HIPK2: variants seen among roughly 807,000 people sequenced by gnomAD.
The protein encoded by HIPK2 is homeodomain interacting protein kinase 2.
In HIPK2, 27 loss-of-function variants were observed where a neutral mutation model predicts 113.7. That is an observed-to-expected ratio of 0.24 (90% CI 0.17 to 0.33). The LOEUF (loss-of-function observed/expected upper bound fraction) is 0.33. Among genes scored for constraint, HIPK2 ranks in the 10% least tolerant of loss-of-function variants. HIPK2 has a pLI of 1.00. For synonymous variants in HIPK2, 631 were observed against 642.2 expected (o/e 0.98, Z 0.26); for missense variants, 1,257 against 1,588.0 (o/e 0.79, Z 3.54).
intron 2 of HIPK2, among the ~76,000 whole-genome samples, chr7:139,655,165 A>G (rs561161380): frequency 6.6e-6 from 1 of 152,360 alleles, no homozygotes; most frequent in Non-Finnish European, 1.5e-5. Context: ...CTGAATTCTC[A>G]GTGCCCATAA....
chr7:139,578,727 G>A (rs1365722287), intron 13 of HIPK2, among the ~76,000 whole-genome samples: 1 of 152,186 alleles, frequency 6.6e-6, no homozygotes, highest in Admixed American at 6.5e-5. Flanking sequence ...TTGGAGTGCA[G>A]TGGTGCAATC....
intron 2 of HIPK2, among the ~76,000 whole-genome samples, chr7:139,713,297 G>A (rs952191458): frequency 6.6e-6 from 1 of 152,168 alleles, no homozygotes; most frequent in African/African-American, 2.4e-5. Flanking sequence ...CCAGGTGAAG[G>A]AGTCAGCCCT....
chr7:139,706,773 A>G (rs867272896), intron 2 of HIPK2, among the ~76,000 whole-genome samples: 1 of 152,364 alleles, frequency 6.6e-6, no homozygotes. Flanking sequence ...TTGTCTATAA[A>G]GGCATTTTCC....
Position 139,613,118 on chromosome 7 carries a change from G to C in HIPK2, c.2112+84C>G. 2 of 1,511,746 alleles carry C rather than the reference G, an allele frequency of 1.3e-6. No individual in the cohort carries two copies. Among genetic ancestry groups the C allele is most frequent in the Admixed American group, 1.9e-5 (1 of 53,636 alleles). The allele number at this position is 1,511,746 out of a possible 1,614,324, so 93.6% of individuals were successfully genotyped here. On this transcript the variant is annotated intron_variant, in intron 9 of 14. Coordinates refer to ENST00000406875, the MANE Select transcript of HIPK2 (RefSeq NM_022740.5). This position sits in a 1 kb window ranked among gnomAD's most constrained non-coding sequence, Gnocchi z 4.2. Reference sequence around the variant, plus strand: ...AGCACCTAACTCATTACTAGGGAGAGAGGGAGTGGAGATATATATCTTTTG... The same window carrying C: ...AGCACCTAACTCATTACTAGGGAGACAGGGAGTGGAGATATATATCTTTTG...
Position 139,763,036 on chromosome 7 carries a change from C to A in HIPK2, c.19+14569G>T, listed in dbSNP as rs926870802. Among the ~76,000 whole-genome samples, 41 of 152,122 alleles carry A rather than the reference C, an allele frequency of 2.7e-4. 1 individual carries two copies. Among genetic ancestry groups the A allele is most frequent in the Non-Finnish European group, 2.9e-5 (2 of 68,020 alleles). On this transcript the variant is annotated intron_variant, in intron 1 of 14. Transcript: ENST00000406875. Reference sequence around the variant, plus strand: ...AGCATGAATTAACCAGGCTGCCAGGCAGGAGAACATTCCAGGAAGGGAAGA... The same window carrying A: ...AGCATGAATTAACCAGGCTGCCAGGAAGGAGAACATTCCAGGAAGGGAAGA...
At chr7:139,657,686 A>C (rs1180617419) in intron 2 of HIPK2, among the ~76,000 whole-genome samples, 2 of 152,096 alleles carry the variant, frequency 1.3e-5, no homozygotes, top group African/African-American at 2.4e-5. Flanking sequence ...CCTTCCATTA[A>C]ACTGTAAGAG....
intron 11 of HIPK2, among the ~76,000 whole-genome samples, chr7:139,598,884 G>A (rs1257646062): frequency 3.9e-5 from 6 of 152,180 alleles, no homozygotes; most frequent in Non-Finnish European, 8.8e-5. Context: ...TAATGACATG[G>A]GTGAGCTGTC....
At position 139,591,261 on chromosome 7, in the gene HIPK2, G is replaced by C. The variant is rs571582562; in HGVS notation, c.2717+5456C>G. Among the ~76,000 whole-genome samples the C allele has an allele frequency of 1.1e-4, 16 of 152,296 alleles. No homozygotes were observed. In the East Asian group the frequency reaches 2.5e-3, roughly 24 times the overall value. On this transcript the variant is annotated intron_variant, in intron 12 of 14. Coordinates refer to ENST00000406875, the MANE Select transcript of HIPK2 (RefSeq NM_022740.5). The stretch of plus-strand genomic sequence containing the variant: ...ATCATTTTTACATGACTACTTTCTA[G>C]AGAAATCAGAAACAGGGTCGCAGAA...
At chr7:139,719,265 C>T (rs1487876792) in intron 1 of HIPK2, among the ~76,000 whole-genome samples, 1 of 152,086 alleles carries the variant, frequency 6.6e-6, no homozygotes, top group African/African-American at 2.4e-5. Flanking sequence ...CGCCACCACG[C>T]CCAGCTAATT....
intron 7 of HIPK2, among the ~76,000 whole-genome samples, chr7:139,616,405 G>A (rs73481750): frequency 0.015 from 2,210 of 152,218 alleles, 44 homozygotes; most frequent in African/African-American, 0.049. Flanking sequence ...CATGGTATGC[G>A]CCTGGTCTAG....
At chr7:139,696,061 G>A (rs1387347431) in intron 2 of HIPK2, among the ~76,000 whole-genome samples, 2 of 152,182 alleles carry the variant, frequency 1.3e-5, no homozygotes, top group Admixed American at 6.5e-5. Flanking sequence ...GAAAAAGTGT[G>A]CTGCAGATGA....
At chr7:139,694,289 C>T (rs183221206) in intron 2 of HIPK2, among the ~76,000 whole-genome samples, 9 of 152,334 alleles carry the variant, frequency 5.9e-5, no homozygotes, top group African/African-American at 1.9e-4. Context: ...TGTGTCCTTA[C>T]ACGCTCCACA....
intron 11 of HIPK2, among the ~76,000 whole-genome samples, chr7:139,597,625 TAA>T (rs1799269726): frequency 6.6e-6 from 1 of 152,236 alleles, no homozygotes; most frequent in African/African-American, 2.4e-5. Flanking sequence ...CTAAAAACCT[TAA>T]AAATGATTTT....
In HIPK2 at chr7:139,562,482, C is replaced by T. The variant is rs779801339; in HGVS notation, c.*10445G>A. 2.0e-5 allele frequency: 3 copies of T among 152,236 alleles called. No homozygotes were observed. Among genetic ancestry groups the T allele is most frequent in the Non-Finnish European group, 2.9e-5 (2 of 68,052 alleles). 9.4% of individuals were successfully genotyped at this position (152,236 alleles called of 1,614,324 possible). A position where few individuals can be genotyped will look rare whatever the true frequency, so the allele number is the denominator to read the frequency against. On this transcript the variant is annotated 3_prime_UTR_variant, in exon 15 of 15. Coordinates refer to ENST00000406875, the MANE Select transcript of HIPK2 (RefSeq NM_022740.5). ...AGGTAAACATTTCTGCAGATCCATT[C>T]TCTTTCTATCCTAATGGATACCATT...
At position 139,777,746 on chromosome 7, in the gene HIPK2, A is replaced by T; in HGVS notation, c.-123T>A. 2 of 906,388 alleles carry T rather than the reference A, an allele frequency of 2.2e-6. No individual in the cohort carries two copies. Among genetic ancestry groups the T allele is most frequent in the Non-Finnish European group, 2.6e-6 (2 of 757,740 alleles). 56.1% of individuals were successfully genotyped at this position (906,388 alleles called of 1,614,324 possible). On this transcript the variant is annotated 5_prime_UTR_variant, in exon 1 of 15. Transcript: ENST00000406875. ...TGTGTCTCCGCTCTCGGCGCAGCCG[A>T]GGCCGCCCGCGCCCGCATCACCGCC...
rs970364105 is a variant in HIPK2, at chr7:139,714,993, T to C, written c.1103+939A>G. On this transcript the variant is annotated intron_variant, in intron 2 of 14. Coordinates refer to ENST00000406875, the MANE Select transcript of HIPK2 (RefSeq NM_022740.5). This position sits in a 1 kb window ranked among gnomAD's most constrained non-coding sequence, Gnocchi z 4.2. The stretch of plus-strand genomic sequence containing the variant: ...TGAAGGCATGGAGAAATCAGGCCAT[T>C]AGGAGAGGAGGGACCAGGTTCACTC... Among the ~76,000 whole-genome samples the C allele has an allele frequency of 7.2e-5, 11 of 152,122 alleles. No homozygotes were observed. The highest frequency in any genetic ancestry group is 2.7e-4 in the African/African-American group (11 of 41,420).
At chr7:139,680,325 C>T (rs953298647) in intron 2 of HIPK2, among the ~76,000 whole-genome samples, 1 of 152,238 alleles carries the variant, frequency 6.6e-6, no homozygotes, top group Non-Finnish European at 1.5e-5. Flanking sequence ...GTGGCTGGTG[C>T]CCAAGCAGCC....
At chr7:139,773,321 T>C (rs1298417521) in intron 1 of HIPK2, among the ~76,000 whole-genome samples, 1 of 152,194 alleles carries the variant, frequency 6.6e-6, no homozygotes, top group East Asian at 1.9e-4. Flanking sequence ...TTTTCTTTTC[T>C]TTTTTCCCCC....
chr7:139,732,457 C>A lies in HIPK2; in HGVS notation c.20-15442G>T, dbSNP rs1205492412. Reference sequence around the variant, plus strand: ...TTCTTGTAGCGGGGCGCCTTCCCCACGTACATCTAAGATGTCTGATAGCTC... The same window carrying A: ...TTCTTGTAGCGGGGCGCCTTCCCCAAGTACATCTAAGATGTCTGATAGCTC... On this transcript the variant is annotated intron_variant, in intron 1 of 14. Coordinates refer to ENST00000406875, the MANE Select transcript of HIPK2 (RefSeq NM_022740.5). Among the ~76,000 whole-genome samples the A allele has an allele frequency of 2.0e-5, 3 of 152,184 alleles. No homozygotes were observed. The South Asian group carries it at 6.2e-4, about 31-fold the overall frequency.
Sources: allele counts gnomAD v4.1 joint callset (sites outside exome capture counted in the v4.1 genomes callset), GRCh38; gene constraint gnomAD v4.1.1; non-coding constraint Gnocchi (gnomAD v3.1); transcripts MANE v1.5; gene names NCBI Gene and HGNC (gene_info 2026-07-23, HGNC 2026-07-21).